Variants in PLAAT1 observed in about 807,000 individuals in gnomAD.
The protein encoded by PLAAT1 is H-REV107 protein-related protein.
Under a neutral mutation model 16.4 loss-of-function variants are expected in PLAAT1, and 13 were observed. The observed-to-expected ratio is 0.79, with a 90% CI of 0.52 to 1.26. The LOEUF is 1.26. PLAAT1 is among the 50% of genes most tolerant of loss of function. PLAAT1 has a pLI of 0.00. For missense variants in PLAAT1, 218 were observed against 207.8 expected (o/e 1.05, Z -0.30); for synonymous variants, 73 against 78.4 (o/e 0.93, Z 0.36).
intron 1 of PLAAT1, among the ~76,000 whole-genome samples, chr3:193,247,456 G>C (rs1195230889): frequency 6.6e-6 from 1 of 152,072 alleles, no homozygotes; most frequent in African/African-American, 2.4e-5. Flanking sequence ...AGCTCTGAGG[G>C]GGCAATGACT....
At chr3:193,276,951 T>A in intron 2 of PLAAT1, 1 of 740,266 alleles carries the variant, frequency 1.4e-6, no homozygotes. Flanking sequence ...GGGCATTACT[T>A]TGTCCCTTTA....
intron 3 of PLAAT1, 121 bp from the exon 4 acceptor site, chr3:193,270,483 A>G (rs1340630881): frequency 1.5e-6 from 1 of 680,184 alleles, no homozygotes; most frequent in South Asian, 3.4e-5. Context: ...ATTGTACTTT[A>G]GATGTATCCA....
downstream of PLAAT1, chr3:193,275,033 C>A: frequency 6.2e-7 from 1 of 1,613,864 alleles, no homozygotes; most frequent in Non-Finnish European, 8.5e-7. Context: ...TGTACGACGA[C>A]AATTCTGATT....
In PLAAT1 at chr3:193,270,670, T is replaced by C. The variant is rs1266256437; in HGVS notation, c.472T>C (p.Leu158=). 2.5e-6 allele frequency: 4 copies of C among 1,613,560 alleles called. No individual in the cohort carries two copies. Among genetic ancestry groups the C allele is most frequent in the Non-Finnish European group, 3.4e-6 (4 of 1,179,580 alleles). ...TGTTGGTGTCTTCTCATTCCTGGGCTTGTTTCCAAAAGGACAAAGAGCAAA... is the reference window on the plus strand; with the variant it reads ...TGTTGGTGTCTTCTCATTCCTGGGCCTGTTTCCAAAAGGACAAAGAGCAAA... ...AAVGVFSFLG[L]FPKGQRAKYY is the part of the protein sequence containing the mutation. The change falls in exon 4 of 4, where the codon TTG becomes CTG. Residue 158 remains leucine, a synonymous_variant. Transcript: ENST00000264735.
chr3:193,277,571 C>T (rs897660953), intron 2 of PLAAT1: 2 of 152,234 alleles, frequency 1.3e-5, no homozygotes, highest in African/African-American at 4.8e-5. Context: ...ATGCTTATCC[C>T]TAATTCTCAC....
intron 3 of PLAAT1, among the ~76,000 whole-genome samples, 172 bp from the exon 4 acceptor site, chr3:193,270,432 T>C (rs1202193264): frequency 6.6e-6 from 1 of 152,250 alleles, no homozygotes; most frequent in Non-Finnish European, 1.5e-5. Context: ...ATACAAATTA[T>C]AAATTTATTT....
rs372325145 is a variant in PLAAT1, at chr3:193,262,944, T to C, written c.140-26T>C. ...GTTCATTGGACTGGGTCACTATACC[T>C]TACTAACCAGAATTCTACTTTATAG... On this transcript the variant is annotated intron_variant, in intron 2 of 3. Coordinates refer to ENST00000264735, the MANE Select transcript of PLAAT1 (RefSeq NM_020386.5). 1.9e-6 allele frequency: 3 copies of C among 1,612,066 alleles called. No individual in the cohort carries two copies. In the African/African-American group the frequency reaches 4.0e-5, roughly 22 times the overall value.
downstream of PLAAT1, chr3:193,281,029 C>T (rs1437698838): frequency 8.6e-5 from 16 of 186,968 alleles, no homozygotes; most frequent in African/African-American, 3.1e-4. Context: ...TCATGCCTCA[C>T]TTTATGTATA....
chr3:193,271,760 AAGCT>A (rs2108806155), downstream of PLAAT1, among the ~76,000 whole-genome samples: 1 of 152,290 alleles, frequency 6.6e-6, no homozygotes, highest in Non-Finnish European at 1.5e-5. Context: ...TACAGTGAGA[AAGCT>A]AGGAATACAG....
At position 193,263,184 on chromosome 3, in the gene PLAAT1, C is replaced by T; in HGVS notation, c.354C>T (p.Asn118=). The change falls in exon 3 of 4, where the codon AAC becomes AAT. Residue 118 remains asparagine (N), a synonymous_variant. Transcript: ENST00000264735. ...QEVAYNLLVN[N]CEHFVTLLRY... ...TGGCCTATAACTTACTTGTCAACAA[C>T]TGTGAACATTTTGTGACATTGCTTC... 2 of 1,614,206 alleles carry T rather than the reference C, an allele frequency of 1.2e-6. No homozygotes were observed. Among genetic ancestry groups the T allele is most frequent in the Middle Eastern group, 1.6e-4 (1 of 6,062 alleles).
downstream of PLAAT1, among the ~76,000 whole-genome samples, chr3:193,279,822 C>G (rs1454358597): frequency 6.6e-6 from 1 of 151,826 alleles, no homozygotes; most frequent in Admixed American, 6.6e-5. Context: ...TTCAGGGATC[C>G]TCTATTGACA....
At chr3:193,269,702 T>A (rs1716918780) in intron 3 of PLAAT1, among the ~76,000 whole-genome samples, 1 of 152,220 alleles carries the variant, frequency 6.6e-6, no homozygotes, top group Non-Finnish European at 1.5e-5. Flanking sequence ...CAAATATGTT[T>A]TCAGAGTACT....
downstream of PLAAT1, among the ~76,000 whole-genome samples, chr3:193,279,818 G>A (rs1159916744): frequency 6.6e-6 from 1 of 151,704 alleles, no homozygotes; most frequent in Admixed American, 6.6e-5. Flanking sequence ...AAAGTTCAGG[G>A]ATCCTCTATT....
At chr3:193,274,772 C>T (rs1170561364), downstream of PLAAT1, 2 of 491,322 alleles carry the variant, frequency 4.1e-6, no homozygotes, top group Non-Finnish European at 7.1e-6. Flanking sequence ...GACAGCTGCT[C>T]ATTTTAAACA....
chr3:193,241,556 G>A, intron 1 of PLAAT1, 23 bp downstream of exon 1: 1 of 1,230,942 alleles, frequency 8.1e-7, no homozygotes, highest in Non-Finnish European at 1.0e-6. Context: ...GAGTGGGGGA[G>A]GACCTCGAGG....
chr3:193,243,671 A>G (rs1715865445), intron 1 of PLAAT1, among the ~76,000 whole-genome samples: 1 of 152,222 alleles, frequency 6.6e-6, no homozygotes, highest in South Asian at 2.1e-4. Flanking sequence ...AAGAAGGGAC[A>G]CCTGAAATTG....
chr3:193,274,940 TGGAGAGAGGAAAGGTA>T, downstream of PLAAT1: 1 of 1,472,752 alleles, frequency 6.8e-7, no homozygotes, highest in Non-Finnish European at 9.2e-7. Context: ...AATGCTTGAA[TGGAGAGAGGAAAGGTA>T]AGGGGAGAGT....
At chr3:193,257,719 G>A (rs1716431175) in intron 2 of PLAAT1, among the ~76,000 whole-genome samples, 1 of 152,148 alleles carries the variant, frequency 6.6e-6, no homozygotes, top group Non-Finnish European at 1.5e-5. Context: ...TAACATTTGA[G>A]TCAGTGGGCT....
chr3:193,254,291 T>C (rs1577303300), intron 1 of PLAAT1, among the ~76,000 whole-genome samples: 1 of 152,270 alleles, frequency 6.6e-6, no homozygotes, highest in Middle Eastern at 3.4e-3. Flanking sequence ...AAAAAAGACT[T>C]TTAGAGTGCC....
Sources: allele counts gnomAD v4.1 joint callset (sites outside exome capture counted in the v4.1 genomes callset), GRCh38; gene constraint gnomAD v4.1.1; transcripts MANE v1.5; gene names NCBI Gene and HGNC (gene_info 2026-07-23, HGNC 2026-07-21).